DAB1: variants seen among roughly 807,000 people sequenced by gnomAD.
DAB1 encodes the protein disabled homolog 1.
Under a neutral mutation model 64.6 loss-of-function variants are expected in DAB1, and 15 were observed. The ratio of observed to expected loss-of-function variants is 0.23; its 90% CI spans 0.16 to 0.36. DAB1 has a LOEUF of 0.36. Ranked by LOEUF, DAB1 falls within the 10% of genes least tolerant of loss-of-function variation. The pLI is 1.00. For missense variants in DAB1, 596 were observed against 706.7 expected, an observed-to-expected ratio of 0.84 and a Z score of 1.78; for synonymous variants, 235 against 251.9, an observed-to-expected ratio of 0.93 and a Z score of 0.64.
intron 7 of DAB1, among the ~76,000 whole-genome samples, chr1:57,481,040 G>T (rs891874966): frequency 2.0e-5 from 3 of 152,134 alleles, no homozygotes; most frequent in Non-Finnish European, 4.4e-5. Context: ...GACTGACAAA[G>T]TTGAGTCATT....
At chr1:58,422,825 A>G (rs1342923941) in intron 3 of DAB1, among the ~76,000 whole-genome samples, 1 of 152,150 alleles carries the variant, frequency 6.6e-6, no homozygotes, top group East Asian at 1.9e-4. Context: ...AAAAAAAGAA[A>G]AAAATCAAGC....
chr1:58,425,540 T>C (rs963142872), intron 3 of DAB1, among the ~76,000 whole-genome samples: 3 of 152,088 alleles, frequency 2.0e-5, no homozygotes, highest in African/African-American at 7.2e-5. Context: ...AAACAGTAAC[T>C]AGAGCCTTTA....
At chr1:57,736,429 T>C (rs112994299) in intron 6 of DAB1, among the ~76,000 whole-genome samples, 1,887 of 152,310 alleles carry the variant, frequency 0.012, 55 homozygotes, top group African/African-American at 0.043. Flanking sequence ...CACCGAATGT[T>C]CATAAATCGC....
At chr1:57,594,935 C>T (rs892602679) in intron 7 of DAB1, among the ~76,000 whole-genome samples, 3 of 152,072 alleles carry the variant, frequency 2.0e-5, no homozygotes, top group African/African-American at 7.2e-5. Flanking sequence ...TGTTCTCGAT[C>T]TCCTGACCTC....
At chr1:58,223,765 G>C (rs1211308356) in intron 4 of DAB1, among the ~76,000 whole-genome samples, 1 of 152,188 alleles carries the variant, frequency 6.6e-6, no homozygotes. Flanking sequence ...CCCCAGTCCT[G>C]CTGGTGCTAA....
At chr1:57,466,081 G>A (rs1351451031) in intron 7 of DAB1, among the ~76,000 whole-genome samples, 1 of 152,052 alleles carries the variant, frequency 6.6e-6, no homozygotes, top group African/African-American at 2.4e-5. Context: ...ATTTGTCCTT[G>A]GTCTCCTGGT....
intron 3 of DAB1, among the ~76,000 whole-genome samples, chr1:58,349,659 C>T (rs1644033129): frequency 6.6e-6 from 1 of 151,920 alleles, no homozygotes; most frequent in South Asian, 2.1e-4. Flanking sequence ...CTCCCTGTGT[C>T]CATGTGTTCT....
At chr1:57,363,429 A>C (rs1307671870) in intron 1 of DAB1, among the ~76,000 whole-genome samples, 1 of 152,170 alleles carries the variant, frequency 6.6e-6, no homozygotes, top group Admixed American at 6.5e-5. Flanking sequence ...GCCGGAACAG[A>C]TCTCTCCCAG....
At chr1:58,348,552 A>G (rs1644022534) in intron 3 of DAB1, among the ~76,000 whole-genome samples, 1 of 152,232 alleles carries the variant, frequency 6.6e-6, no homozygotes, top group African/African-American at 2.4e-5. Flanking sequence ...TTTAAGACTC[A>G]GTAGACTCTA....
At chr1:57,522,324 G>T (rs925675564) in intron 7 of DAB1, among the ~76,000 whole-genome samples, 1 of 152,100 alleles carries the variant, frequency 6.6e-6, no homozygotes, top group East Asian at 1.9e-4. Flanking sequence ...AGGTCTATTT[G>T]GTAGCTCCAG....
chr1:57,371,677 T>A (rs17423736), intron 1 of DAB1, among the ~76,000 whole-genome samples: 3,940 of 152,298 alleles, frequency 0.026, 73 homozygotes, highest in African/African-American at 0.043. Flanking sequence ...GGAACAAGTA[T>A]TTGTAGTGCT....
At chr1:57,598,105 C>T (rs901204913) in intron 7 of DAB1, among the ~76,000 whole-genome samples, 2 of 152,228 alleles carry the variant, frequency 1.3e-5, no homozygotes, top group Admixed American at 6.5e-5. Context: ...GCCTCAGCCT[C>T]CCGAGTAGCA....
chr1:57,202,835 A>G (rs1319568562), intron 2 of DAB1, among the ~76,000 whole-genome samples: 1 of 152,200 alleles, frequency 6.6e-6, no homozygotes, highest in Non-Finnish European at 1.5e-5. Context: ...GATGAAGTCC[A>G]AAACCAAGGC....
At chr1:58,052,140 AT>A (rs1461205769) in intron 5 of DAB1, among the ~76,000 whole-genome samples, 1 of 152,116 alleles carries the variant, frequency 6.6e-6, no homozygotes, top group East Asian at 1.9e-4. Flanking sequence ...CCTGAATGGT[AT>A]TGCCTAGGTT....
At chr1:57,883,910 A>G (rs1286742828) in intron 1 of DAB1, 3 of 152,220 alleles carry the variant, frequency 2.0e-5, no homozygotes, top group Non-Finnish European at 4.4e-5. Flanking sequence ...CTTTTGAAAG[A>G]AACAAAATCA....
At chr1:58,063,786 G>C (rs372681295) in intron 5 of DAB1, among the ~76,000 whole-genome samples, 1 of 152,166 alleles carries the variant, frequency 6.6e-6, no homozygotes, top group South Asian at 2.1e-4. Flanking sequence ...TGGGAAAGCC[G>C]CAGGTGGATA....
chr1:57,353,040 T>C (rs1678715232), intron 1 of DAB1, among the ~76,000 whole-genome samples: 1 of 151,800 alleles, frequency 6.6e-6, no homozygotes, highest in Non-Finnish European at 1.5e-5. Flanking sequence ...GACTCTGTAA[T>C]CATATGAGCC....
chr1:57,760,596 C>T (rs962913242), intron 6 of DAB1, among the ~76,000 whole-genome samples: 9 of 131,554 alleles, frequency 6.8e-5, no homozygotes, highest in Non-Finnish European at 1.1e-4. Context: ...TCTCTCTCAA[C>T]TTCTTTCTCT....
At chr1:57,538,864 C>T (rs1031533180) in intron 7 of DAB1, among the ~76,000 whole-genome samples, 17 of 152,224 alleles carry the variant, frequency 1.1e-4, no homozygotes, top group African/African-American at 4.1e-4. Flanking sequence ...CCCCCTACAA[C>T]TCTCCAACCC....
Sources: allele counts gnomAD v4.1 joint callset (sites outside exome capture counted in the v4.1 genomes callset), GRCh38; gene constraint gnomAD v4.1.1; transcripts MANE v1.5; gene names NCBI Gene and HGNC (gene_info 2026-07-23, HGNC 2026-07-21).